The following ZSCAN25 variants were observed in gnomAD, a reference collection of about 807,000 sequenced individuals.
ZSCAN25 encodes zinc finger and SCAN domain containing 25, also known as zinc finger and SCAN domain-containing protein 25.
A neutral mutation model predicts 38.7 loss-of-function variants in ZSCAN25; 27 were observed. The observed-to-expected ratio is 0.70, with a 90% CI of 0.51 to 0.96. The LOEUF is 0.96. Among genes scored for constraint, ZSCAN25 ranks in the 40% least tolerant of loss-of-function variants. The pLI is 0.00. For synonymous variants in ZSCAN25, 273 were observed against 277.7 expected, an observed-to-expected ratio of 0.98 and a Z score of 0.17; for missense variants, 637 against 705.9, an observed-to-expected ratio of 0.90 and a Z score of 1.11.
the ZSCAN25 span, among the ~76,000 whole-genome samples, chr7:99,719,427 A>G: frequency 6.6e-6 from 1 of 152,218 alleles, no homozygotes; most frequent in African/African-American, 2.4e-5. Context: ...ACAAGCCACA[A>G]AAAATGAACG....
At chr7:99,664,438 G>A in the ZSCAN25 span, among the ~76,000 whole-genome samples, 2 of 152,150 alleles carry the variant, frequency 1.3e-5, no homozygotes, top group African/African-American at 4.8e-5. Context: ...TAATCATGCT[G>A]TTCAGGAAAT....
chr7:99,666,782 A>G, the ZSCAN25 span: 1 of 1,602,276 alleles, frequency 6.2e-7, no homozygotes, highest in Non-Finnish European at 8.5e-7. Context: ...AGTAAGTGAC[A>G]TTTTGTAATG....
At chr7:99,621,068 T>C (rs1400919006) in intron 4 of ZSCAN25, 2 of 223,134 alleles carry the variant, frequency 9.0e-6, no homozygotes, top group Admixed American at 5.8e-5. Context: ...TTTTTTTTTC[T>C]AGTAGTGAGT....
chr7:99,617,535 C>T (rs1380211413), intron 1 of ZSCAN25, among the ~76,000 whole-genome samples: 1 of 151,876 alleles, frequency 6.6e-6, no homozygotes, highest in Admixed American at 6.6e-5. Context: ...GACTTACATT[C>T]ATGCCGCTGC....
At chr7:99,697,125 C>T in the ZSCAN25 span, among the ~76,000 whole-genome samples, 1 of 152,310 alleles carries the variant, frequency 6.6e-6, no homozygotes, top group African/African-American at 2.4e-5. Context: ...AGGACTAATA[C>T]ACCCAGATAT....
chr7:99,627,776 T>C (rs1295217112), intron 7 of ZSCAN25, among the ~76,000 whole-genome samples: 4 of 151,926 alleles, frequency 2.6e-5, no homozygotes, highest in African/African-American at 9.7e-5. Flanking sequence ...GTATATCTCG[T>C]ATATGCTGTA....
At chr7:99,639,518 C>A in the ZSCAN25 span, among the ~76,000 whole-genome samples, 1 of 152,200 alleles carries the variant, frequency 6.6e-6, no homozygotes, top group Non-Finnish European at 1.5e-5. Context: ...GTCCCTGCCC[C>A]AATGCCTCTG....
chr7:99,709,099 G>T, the ZSCAN25 span: 1 of 1,613,846 alleles, frequency 6.2e-7, no homozygotes, highest in South Asian at 1.1e-5. Context: ...ACATAGCTTG[G>T]AATCATCACC....
Position 99,619,543 on chromosome 7 carries a change from G to T in ZSCAN25, c.-46-18G>T. ...ACTGGGATGGGCTGACCTTTCATGT[G>T]TCTCTTGTTCTCAAAAGGGTCATTG... On this transcript the variant is annotated intron_variant, in intron 3 of 7. Coordinates refer to ENST00000394152, the MANE Select transcript of ZSCAN25 (RefSeq NM_145115.3). 6.6e-7 allele frequency: 1 copy of T among 1,525,338 alleles called. No individual in the cohort carries two copies. The highest frequency in any genetic ancestry group is 1.3e-5 in the South Asian group (1 of 77,648). The allele number at this position is 1,525,338 out of a possible 1,614,324, so 94.5% of individuals were successfully genotyped here.
At chr7:99,659,349 C>T in the ZSCAN25 span, 3 of 152,748 alleles carry the variant, frequency 2.0e-5, no homozygotes, top group Non-Finnish European at 4.4e-5. Context: ...CACTCCAGAC[C>T]CTGTTTGCCT....
chr7:99,722,482 T>A, the ZSCAN25 span: 4 of 1,104,672 alleles, frequency 3.6e-6, no homozygotes, highest in Non-Finnish European at 5.2e-6. Flanking sequence ...TTTAGAGATG[T>A]CATAAGAGAA....
In ZSCAN25 at chr7:99,619,759, G is replaced by A. The variant is rs1806781047; in HGVS notation, c.153G>A (p.Gln51=). Reference sequence around the variant, plus strand: ...TGAGGTTTCGGCAGTTCCGCTACCAGGAGGCAGCTGGACCCCAGGAAGCTC... The same window carrying A: ...TGAGGTTTCGGCAGTTCCGCTACCAAGAGGCAGCTGGACCCCAGGAAGCTC... ...FRLRFRQFRY[Q]EAAGPQEALR... is the part of the protein sequence containing the mutation. Residue 51 remains glutamine, a synonymous_variant, in exon 4 of 8, where the codon CAG becomes CAA. Coordinates refer to ENST00000394152, the MANE Select transcript of ZSCAN25 (RefSeq NM_145115.3). The A allele has an allele frequency of 6.2e-7, 1 of 1,614,276 alleles. No homozygotes were observed. Among genetic ancestry groups the A allele is most frequent in the Non-Finnish European group, 8.5e-7 (1 of 1,180,052 alleles).
At chr7:99,733,835 G>C in the ZSCAN25 span, among the ~76,000 whole-genome samples, 7 of 152,154 alleles carry the variant, frequency 4.6e-5, no homozygotes, top group Non-Finnish European at 8.8e-5. Context: ...TGAGAGTTTA[G>C]GATAACCTGC....
chr7:99,679,275 C>T, the ZSCAN25 span, among the ~76,000 whole-genome samples: 2 of 152,116 alleles, frequency 1.3e-5, no homozygotes, highest in African/African-American at 2.4e-5. Context: ...CAGGGGACAG[C>T]TTCCCATGAA....
At chr7:99,656,825 G>A in the ZSCAN25 span, among the ~76,000 whole-genome samples, 30 of 152,146 alleles carry the variant, frequency 2.0e-4, no homozygotes, top group South Asian at 2.5e-3. Context: ...TGTATGTGTC[G>A]AGGAATTTAT....
At chr7:99,686,929 A>T in the ZSCAN25 span, among the ~76,000 whole-genome samples, 4 of 152,204 alleles carry the variant, frequency 2.6e-5, no homozygotes, top group African/African-American at 9.6e-5. Context: ...TCTGGAGTGG[A>T]CCTCTAGCAA....
chr7:99,696,236 C>CTTT, the ZSCAN25 span, among the ~76,000 whole-genome samples: 7 of 147,404 alleles, frequency 4.7e-5, no homozygotes, highest in Non-Finnish European at 6.0e-5. Flanking sequence ...GAAAGGGTGA[C>CTTT]TTTTTTTTTT....
At chr7:99,720,349 T>G in the ZSCAN25 span, 1 of 1,613,694 alleles carries the variant, frequency 6.2e-7, no homozygotes, top group South Asian at 1.1e-5. Context: ...ATTCTTTCAC[T>G]AGCACTGTTT....
At chr7:99,620,262 CA>C (rs147923266) in intron 4 of ZSCAN25, 26,428 of 469,262 alleles carry the variant, frequency 0.056, 1,010 homozygotes, top group African/African-American at 0.12. Flanking sequence ...GGGCATCAGG[CA>C]AAAAGAAGGC....
Sources: allele counts gnomAD v4.1 joint callset (sites outside exome capture counted in the v4.1 genomes callset), GRCh38; gene constraint gnomAD v4.1.1; transcripts MANE v1.5; gene names NCBI Gene and HGNC (gene_info 2026-07-23, HGNC 2026-07-21).